BBX: variants seen among roughly 807,000 people sequenced by gnomAD.
BBX encodes the protein HMG box transcription factor BBX.
In BBX, 30 loss-of-function variants were observed where a neutral mutation model predicts 100.2. That is an observed-to-expected ratio of 0.30 (90% CI 0.22 to 0.41). The LOEUF is 0.41. Among genes scored for constraint, BBX ranks in the 10% least tolerant of loss-of-function variants. The pLI is 1.00. For synonymous variants in BBX, 376 were observed against 388.1 expected, an observed-to-expected ratio of 0.97 and a Z score of 0.37; for missense variants, 1,023 against 1,129.8, an observed-to-expected ratio of 0.91 and a Z score of 1.35.
intron 2 of BBX, among the ~76,000 whole-genome samples, chr3:107,601,029 C>T (rs1478105568): frequency 1.3e-5 from 2 of 152,216 alleles, no homozygotes; most frequent in Admixed American, 1.3e-4. Context: ...ATTCTTGTAA[C>T]ATTTCAAATA....
Position 107,789,924 on chromosome 3 carries a change from T to G in BBX, c.2293+48T>G, listed in dbSNP as rs1484894675. 4 of 1,409,634 alleles carry G rather than the reference T, an allele frequency of 2.8e-6. No homozygotes were observed. The South Asian group carries it at 3.8e-5, about 14-fold the overall frequency. 87.3% of individuals were successfully genotyped at this position (1,409,634 alleles called of 1,614,324 possible). A position where few individuals can be genotyped will look rare whatever the true frequency, so the allele number is the denominator to read the frequency against. On this transcript the variant is annotated intron_variant, in intron 14 of 17. Coordinates refer to ENST00000325805, the MANE Select transcript of BBX (RefSeq NM_001142568.3). ...ATGAAGGGTTCTTGGTCACCTCCAT[T>G]GTGATTCATCTTTGAGTAATGCTCC... is the stretch of plus-strand genomic sequence containing the variant.
At chr3:107,649,230 T>A (rs9810356) in intron 3 of BBX, among the ~76,000 whole-genome samples, 17,803 of 152,220 alleles carry the variant, frequency 0.12, 1,385 homozygotes, top group Middle Eastern at 0.19. Flanking sequence ...TCTCATGACA[T>A]GGGGATTAGT....
At chr3:107,680,221 C>G (rs1167646047) in intron 3 of BBX, among the ~76,000 whole-genome samples, 1 of 152,148 alleles carries the variant, frequency 6.6e-6, no homozygotes. Flanking sequence ...TGGAAAAGCT[C>G]CTCACAGACC....
At chr3:107,799,089 G>A (rs1203163545) in intron 16 of BBX, among the ~76,000 whole-genome samples, 1 of 151,672 alleles carries the variant, frequency 6.6e-6, no homozygotes, top group African/African-American at 2.4e-5. Context: ...GTCGGAGGTT[G>A]CAGTGAGCCG....
In BBX at chr3:107,584,095, T is replaced by A. The variant is rs374542815; in HGVS notation, c.-84+57697T>A. 7.1e-4 allele frequency among the ~76,000 whole-genome samples: 6 copies of A among 8,496 alleles called. 1 individual carries two copies. The South Asian group carries it at 8.4e-3, about 12-fold the overall frequency. 5.6% of individuals were successfully genotyped at this position (8,496 alleles called of 152,430 possible). ...TTATATATATTATATATATCATATATTATATATATTATATATTATATATAA... is the reference window on the plus strand; with the variant it reads ...TTATATATATTATATATATCATATAATATATATATTATATATTATATATAA... On this transcript the variant is annotated intron_variant, in intron 2 of 17. Coordinates refer to ENST00000325805, the MANE Select transcript of BBX (RefSeq NM_001142568.3).
rs1348387035 is a variant in BBX, at chr3:107,658,259, T to C, written c.-10+12350T>C. 2.0e-5 allele frequency among the ~76,000 whole-genome samples: 3 copies of C among 152,188 alleles called. No homozygotes were observed. The East Asian group carries it at 5.8e-4, about 29-fold the overall frequency. On this transcript the variant is annotated intron_variant, in intron 3 of 17. Coordinates refer to ENST00000325805, the MANE Select transcript of BBX (RefSeq NM_001142568.3). ...GCATAGAACTCATCTTCTATAAATG[T>C]AGTTGTAATATTCTTTAAATATGTT...
At chr3:107,772,496 TG>T (rs2066986874) in intron 10 of BBX, 131 bp from the exon 11 acceptor site, 2 of 957,658 alleles carry the variant, frequency 2.1e-6, no homozygotes, top group Non-Finnish European at 3.0e-6. Flanking sequence ...TTGGCAGAAG[TG>T]GGCTGATTGT....
intron 10 of BBX, 139 bp from the exon 11 acceptor site, chr3:107,772,489 G>T (rs2107784763): frequency 1.1e-6 from 1 of 886,706 alleles, no homozygotes; most frequent in East Asian, 2.8e-5. Flanking sequence ...AGTTAGTTTG[G>T]CAGAAGTGGG....
chr3:107,694,509 G>A (rs376725701), intron 3 of BBX, among the ~76,000 whole-genome samples: 13,793 of 140,684 alleles, frequency 0.098, 659 homozygotes, highest in Middle Eastern at 0.17. Flanking sequence ...ATTGATTTGC[G>A]TATATTGAAC....
intron 3 of BBX, among the ~76,000 whole-genome samples, chr3:107,709,665 A>G (rs1429590712): frequency 1.3e-5 from 2 of 152,248 alleles, no homozygotes; most frequent in Admixed American, 1.3e-4. Flanking sequence ...CATACAGGAA[A>G]CTAACATGCA....
chr3:107,602,141 T>C (rs1356867484), intron 2 of BBX, among the ~76,000 whole-genome samples: 1 of 152,154 alleles, frequency 6.6e-6, no homozygotes, highest in Non-Finnish European at 1.5e-5. Context: ...AATGTTTCCT[T>C]TCAAAATGTT....
chr3:107,539,673 A>C (rs538118361), intron 2 of BBX, among the ~76,000 whole-genome samples: 1 of 152,230 alleles, frequency 6.6e-6, no homozygotes, highest in Non-Finnish European at 1.5e-5. Flanking sequence ...TATATATACT[A>C]GGCTATTAAT....
intron 3 of BBX, among the ~76,000 whole-genome samples, chr3:107,649,386 T>C (rs2057708217): frequency 6.6e-6 from 1 of 152,244 alleles, no homozygotes; most frequent in Non-Finnish European, 1.5e-5. Flanking sequence ...TGGCACTTTT[T>C]AATTGAAAGC....
At chr3:107,772,282 T>C (rs1484188927) in intron 10 of BBX, among the ~76,000 whole-genome samples, 1 of 152,150 alleles carries the variant, frequency 6.6e-6, no homozygotes, top group Non-Finnish European at 1.5e-5. Flanking sequence ...TCATTCTGGG[T>C]CACAAAGTTA....
At chr3:107,552,693 A>G (rs943401057) in intron 2 of BBX, among the ~76,000 whole-genome samples, 12 of 152,242 alleles carry the variant, frequency 7.9e-5, no homozygotes, top group African/African-American at 2.9e-4. Flanking sequence ...GTGCTTAAAA[A>G]TTAATCACAA....
At chr3:107,618,574 C>G (rs1355889227) in intron 2 of BBX, among the ~76,000 whole-genome samples, 1 of 151,990 alleles carries the variant, frequency 6.6e-6, no homozygotes, top group East Asian at 1.9e-4. Flanking sequence ...TCCTGTTCTA[C>G]TCATGTTGAT....
chr3:107,553,192 T>C (rs1026560729), intron 2 of BBX, among the ~76,000 whole-genome samples: 1 of 152,214 alleles, frequency 6.6e-6, no homozygotes, highest in Non-Finnish European at 1.5e-5. Context: ...AAATCCTCTG[T>C]ATTCACAATA....
chr3:107,690,384 G>A (rs984896341), intron 3 of BBX, among the ~76,000 whole-genome samples: 1 of 152,116 alleles, frequency 6.6e-6, no homozygotes, highest in Non-Finnish European at 1.5e-5. Context: ...GGAAAGGCTT[G>A]GTTAGACACT....
intron 10 of BBX, among the ~76,000 whole-genome samples, chr3:107,769,379 A>T (rs968309467): frequency 1.3e-5 from 2 of 152,154 alleles, no homozygotes; most frequent in African/African-American, 4.8e-5. Flanking sequence ...CCAATGTAGG[A>T]TGTACTGTTA....
Sources: gnomAD v4.1 joint callset for allele counts (sites outside exome capture counted in the v4.1 genomes callset) on GRCh38, gnomAD v4.1.1 for gene constraint, MANE v1.5 for transcripts, NCBI Gene and HGNC (gene_info 2026-07-23, HGNC 2026-07-21) for gene names.